The following GOLIM4 variants were observed in gnomAD, a reference collection of about 807,000 sequenced individuals.
The protein encoded by GOLIM4 is 130 kDa golgi-localized phosphoprotein.
GOLIM4 carries 71 observed loss-of-function variants against 107.4 expected under a neutral mutation model. The observed-to-expected ratio is 0.66, with a 90% confidence interval of 0.55 to 0.81. GOLIM4 has a LOEUF of 0.81. GOLIM4 is among the 30% of genes least tolerant of loss of function. The pLI, the probability that GOLIM4 is intolerant of heterozygous loss-of-function variation, is 0.00. For synonymous variants in GOLIM4, 327 were observed against 294.8 expected (o/e 1.11, Z -1.12); for missense variants, 830 against 826.1 (o/e 1.00, Z -0.06).
In GOLIM4 at chr3:168,095,394, G is replaced by T. The variant is rs557590592; in HGVS notation, c.-109C>A. 1.1e-6 allele frequency: 1 copy of T among 885,936 alleles called. No individual in the cohort carries two copies. The highest frequency in any genetic ancestry group is 1.7e-6 in the Non-Finnish European group (1 of 576,764). The allele number at this position is 885,936 out of a possible 1,614,324, so 54.9% of individuals were successfully genotyped here. The stretch of plus-strand genomic sequence containing the variant: ...AGTAGGTGGCCAGACGCAGCATGAG[G>T]AGGAGATGCCAGACACAAAAGCCGG... On this transcript the variant is annotated 5_prime_UTR_variant, in exon 1 of 16. Transcript: ENST00000470487.
At chr3:168,042,353 C>T (rs1299540080) in intron 5 of GOLIM4, among the ~76,000 whole-genome samples, 1 of 152,160 alleles carries the variant, frequency 6.6e-6, no homozygotes, top group Non-Finnish European at 1.5e-5. Flanking sequence ...TCTTGGCTCA[C>T]TGTAAGAACC....
chr3:168,010,925 T>G lies in GOLIM4; in HGVS notation c.1861-102A>C, dbSNP rs574829952. 3 of 845,430 alleles carry G rather than the reference T, an allele frequency of 3.5e-6. No individual in the cohort carries two copies. The African/African-American group carries it at 5.1e-5, about 14-fold the overall frequency. The allele number at this position is 845,430 out of a possible 1,614,324, so 52.4% of individuals were successfully genotyped here. ...CATTTAAAGACTTGCAATAATATAT[T>G]TTGATTTCCAAAAAGTTCACTCAAA... On this transcript the variant is annotated intron_variant, in intron 14 of 15. Coordinates refer to ENST00000470487, the MANE Select transcript of GOLIM4 (RefSeq NM_014498.5).
rs1425154426 is a variant in GOLIM4, at chr3:168,009,061, T to C, written c.*1208A>G. 1 of 152,136 alleles carries C rather than the reference T, an allele frequency of 6.6e-6. No homozygotes were observed. The highest frequency in any genetic ancestry group is 6.5e-5 in the Admixed American group (1 of 15,272). 9.4% of individuals were successfully genotyped at this position (152,136 alleles called of 1,614,324 possible). A position where few individuals can be genotyped will look rare whatever the true frequency, so the allele number is the denominator to read the frequency against. On this transcript the variant is annotated 3_prime_UTR_variant, in exon 16 of 16. Coordinates refer to ENST00000470487, the MANE Select transcript of GOLIM4 (RefSeq NM_014498.5). The stretch of plus-strand genomic sequence containing the variant: ...TACAAAACCACACATATATGAATTA[T>C]ATAACCTAGTGTTATATATTTAAAA...
chr3:168,036,228 C>A (rs1718644192), intron 8 of GOLIM4, among the ~76,000 whole-genome samples: 1 of 152,172 alleles, frequency 6.6e-6, no homozygotes, highest in Non-Finnish European at 1.5e-5. Flanking sequence ...AAGACAAAGC[C>A]ATTAAAGCCT....
intron 12 of GOLIM4, among the ~76,000 whole-genome samples, chr3:168,026,250 A>G (rs1292145714): frequency 6.6e-6 from 1 of 151,918 alleles, no homozygotes; most frequent in Non-Finnish European, 1.5e-5. Flanking sequence ...TTACTCCACA[A>G]TCTCTTGTCA....
At chr3:168,089,267 G>C (rs536468811) in intron 1 of GOLIM4, among the ~76,000 whole-genome samples, 35 of 152,318 alleles carry the variant, frequency 2.3e-4, no homozygotes, top group African/African-American at 8.4e-4. Flanking sequence ...CTTCAGTGAA[G>C]ATGTCCATTT....
Position 168,042,794 on chromosome 3 carries a change from C to G in GOLIM4, c.517+585G>C, listed in dbSNP as rs181139031. 5.3e-5 allele frequency among the ~76,000 whole-genome samples: 8 copies of G among 152,290 alleles called. No homozygotes were observed. The East Asian group carries it at 1.5e-3, about 29-fold the overall frequency. Reference sequence around the variant, plus strand: ...TGCTTTATGTAAATTATTTCTCACACCAATTCTACAAGGTTGATATTTTTA... The same window carrying G: ...TGCTTTATGTAAATTATTTCTCACAGCAATTCTACAAGGTTGATATTTTTA... On this transcript the variant is annotated intron_variant, in intron 5 of 15. Coordinates refer to ENST00000470487, the MANE Select transcript of GOLIM4 (RefSeq NM_014498.5).
Position 168,046,957 on chromosome 3 carries a change from T to A in GOLIM4, c.305A>T (p.Lys102Ile), listed in dbSNP as rs755591511. 1.5e-6 allele frequency: 2 copies of A among 1,350,742 alleles called. No homozygotes were observed. Among genetic ancestry groups the A allele is most frequent in the Non-Finnish European group, 2.0e-6 (2 of 984,116 alleles). 83.7% of individuals were successfully genotyped at this position (1,350,742 alleles called of 1,614,324 possible). Residue 102 changes from lysine to isoleucine, a missense_variant, in exon 3 of 16, where the codon AAA (lysine) becomes ATA (isoleucine). By Grantham distance (102) the Lys-to-Ile change is moderately radical (BLOSUM62 -3). Transcript: ENST00000470487. Reference protein sequence around the residue: ...YKLEAQETLNKGRQDSNSRYS... With the variant: ...YKLEAQETLNIGRQDSNSRYS... ...AAAAAAAACAAAACTTACCCTTCCTTTATTTAATGTTTCTTGTGCTTCTAA... is the reference window on the plus strand; with the variant it reads ...AAAAAAAACAAAACTTACCCTTCCTATATTTAATGTTTCTTGTGCTTCTAA...
intron 1 of GOLIM4, among the ~76,000 whole-genome samples, chr3:168,071,832 G>A (rs1226917864): frequency 1.3e-5 from 2 of 151,996 alleles, no homozygotes; most frequent in African/African-American, 4.8e-5. Context: ...TTAACTTTAA[G>A]TATCCACAGT....
intron 1 of GOLIM4, among the ~76,000 whole-genome samples, chr3:168,054,967 G>T (rs1280876507): frequency 6.6e-6 from 1 of 152,234 alleles, no homozygotes; most frequent in South Asian, 2.1e-4. Flanking sequence ...TTTGTCTGCT[G>T]CCATGTGAGA....
chr3:168,079,497 T>C (rs1203975868), intron 1 of GOLIM4, among the ~76,000 whole-genome samples: 3 of 152,190 alleles, frequency 2.0e-5, no homozygotes, highest in Non-Finnish European at 2.9e-5. Context: ...ACAGTTGTGT[T>C]TGTGAAGTCT....
rs375266860 is a variant in GOLIM4 at position 168,010,346 on chromosome 3, G to A, written c.2014C>T (p.His672Tyr). The stretch of plus-strand genomic sequence containing the variant: ...TCCTCCTCTTCTTCCTCCTCGTAGT[G>A]TTCCTCTCGGCCTTTGGGGCGGTTG... ...DDNRPKGREE[H>Y]YEEEEEEEED... The change falls in exon 16 of 16, where the codon CAC (histidine) becomes TAC (tyrosine). Residue 672 changes from histidine (H) to tyrosine (Y), a missense_variant. Coordinates refer to ENST00000470487, the MANE Select transcript of GOLIM4 (RefSeq NM_014498.5). The A allele has an allele frequency of 8.7e-6, 14 of 1,613,240 alleles. No individual in the cohort carries two copies. The highest frequency in any genetic ancestry group is 8.3e-5 in the Admixed American group (5 of 59,980).
At chr3:168,057,690 T>C (rs1460327207) in intron 1 of GOLIM4, among the ~76,000 whole-genome samples, 2 of 152,200 alleles carry the variant, frequency 1.3e-5, no homozygotes, top group Non-Finnish European at 2.9e-5. Context: ...ATTCAATAGA[T>C]ACTTCTTGAA....
At chr3:168,040,966 G>A (rs765189690) in intron 6 of GOLIM4, 97 bp from the exon 7 acceptor site, 2 of 760,578 alleles carry the variant, frequency 2.6e-6, no homozygotes, top group Non-Finnish European at 4.6e-6. Flanking sequence ...TTACTTGCTT[G>A]TTTATTTGTT....
intron 7 of GOLIM4, among the ~76,000 whole-genome samples, chr3:168,039,093 G>T (rs1450490833): frequency 2.0e-5 from 3 of 152,174 alleles, no homozygotes; most frequent in East Asian, 1.9e-4. Flanking sequence ...AAGACACCCA[G>T]TCTAGGGTGT....
At chr3:168,095,077 GC>G in intron 1 of GOLIM4, 21 bp downstream of exon 1, 1 of 1,578,924 alleles carries the variant, frequency 6.3e-7, no homozygotes. Context: ...GCCACCGGCT[GC>G]GCGCGTCCCG....
rs1012994246 is a variant in GOLIM4, at chr3:168,029,073, G to A, written c.1513+150C>T. The A allele has an allele frequency of 3.1e-4, 165 of 527,916 alleles. No individual in the cohort carries two copies. In the East Asian group the frequency reaches 5.0e-3, roughly 16 times the overall value. 32.7% of individuals were successfully genotyped at this position (527,916 alleles called of 1,614,324 possible). On this transcript the variant is annotated intron_variant, in intron 11 of 15. Transcript: ENST00000470487. ...TTCACTACCAGCATGTACTGTTTAA[G>A]AGGATTAAGAAAAAGACATGATTCA...
chr3:168,051,270 G>A (rs777218651), intron 1 of GOLIM4, among the ~76,000 whole-genome samples: 2 of 149,922 alleles, frequency 1.3e-5, no homozygotes, highest in Non-Finnish European at 3.0e-5. Context: ...CTCTTCCCTT[G>A]GATTCAGTCA....
At chr3:168,087,774 T>A (rs1436116006) in intron 1 of GOLIM4, among the ~76,000 whole-genome samples, 1 of 152,190 alleles carries the variant, frequency 6.6e-6, no homozygotes, top group South Asian at 2.1e-4. Context: ...GGCAAGTTAA[T>A]TAACCTCTCT....
Sources: gnomAD v4.1 joint callset for allele counts (sites outside exome capture counted in the v4.1 genomes callset) on GRCh38, gnomAD v4.1.1 for gene constraint, MANE v1.5 for transcripts, NCBI Gene and HGNC (gene_info 2026-07-23, HGNC 2026-07-21) for gene names.